CALN1: variants seen among roughly 807,000 people sequenced by gnomAD.
The protein encoded by CALN1 is calcium-binding protein 8.
In CALN1, 17 loss-of-function variants were observed where a neutral mutation model predicts 30.6. That is an observed-to-expected ratio of 0.56 (90% CI 0.38 to 0.83). CALN1 has a LOEUF of 0.83. Ranked by LOEUF, CALN1 falls within the 40% of genes least tolerant of loss-of-function variation. The probability of loss-of-function intolerance (pLI) is 0.00; values close to 1 mark genes in which losing one functional copy is unlikely to be tolerated. For synonymous variants in CALN1, 156 were observed against 131.4 expected, an observed-to-expected ratio of 1.19 and a Z score of -1.28; for missense variants, 291 against 354.9, an observed-to-expected ratio of 0.82 and a Z score of 1.45.
intron 5 of CALN1, among the ~76,000 whole-genome samples, chr7:71,841,528 C>A (rs912705156): frequency 1.3e-5 from 2 of 152,174 alleles, no homozygotes; most frequent in African/African-American, 4.8e-5. Context: ...GAAAATAAAT[C>A]ATTCTACCTA....
upstream of CALN1, among the ~76,000 whole-genome samples, chr7:72,449,747 C>G (rs983225873): frequency 6.6e-6 from 1 of 151,644 alleles, no homozygotes; most frequent in Non-Finnish European, 1.5e-5. Flanking sequence ...TGGTGGCGGG[C>G]GCCTGTAGTC....
intron 2 of CALN1, among the ~76,000 whole-genome samples, chr7:72,290,926 A>AT (rs11352227): frequency 0.19 from 26,713 of 143,398 alleles, 3,358 homozygotes; most frequent in East Asian, 0.42. Flanking sequence ...CCTTTTAACC[A>AT]TTTTTTTTTT....
intron 2 of CALN1, among the ~76,000 whole-genome samples, chr7:72,317,082 G>GAC: frequency 9.6e-6 from 1 of 104,326 alleles, no homozygotes; most frequent in African/African-American, 4.0e-5. Flanking sequence ...GACACAGAAA[G>GAC]AGAGAGAGAG....
chr7:72,096,231 G>A (rs1806223207), intron 4 of CALN1, among the ~76,000 whole-genome samples: 1 of 152,118 alleles, frequency 6.6e-6, no homozygotes. Context: ...GAGGACACCA[G>A]GTCTCTGCAC....
chr7:72,318,378 C>CA (rs1179331586), intron 2 of CALN1, among the ~76,000 whole-genome samples: 21 of 152,092 alleles, frequency 1.4e-4, no homozygotes, highest in Non-Finnish European at 2.5e-4. Context: ...TACTCTGGAG[C>CA]AAAAAAATCA....
intron 1 of CALN1, among the ~76,000 whole-genome samples, chr7:72,418,831 C>A (rs770368762): frequency 1.3e-5 from 2 of 151,916 alleles, no homozygotes; most frequent in Non-Finnish European, 2.9e-5. Context: ...AGCAACATGG[C>A]GAGACCCCGT....
At chr7:71,980,700 A>T (rs1038059942) in intron 5 of CALN1, among the ~76,000 whole-genome samples, 3 of 152,188 alleles carry the variant, frequency 2.0e-5, no homozygotes, top group African/African-American at 4.8e-5. Context: ...CCATTTAAAG[A>T]ACAAAGTAAT....
chr7:72,078,309 C>A (rs972005620), intron 4 of CALN1, among the ~76,000 whole-genome samples: 1 of 151,992 alleles, frequency 6.6e-6, no homozygotes, highest in African/African-American at 2.4e-5. Flanking sequence ...ATACGACGAT[C>A]CCACCTGTAC....
At chr7:72,379,200 G>A (rs1266782939) in intron 2 of CALN1, among the ~76,000 whole-genome samples, 1 of 152,080 alleles carries the variant, frequency 6.6e-6, no homozygotes, top group Non-Finnish European at 1.5e-5. Context: ...TGTGATCACA[G>A]CTCACTACAA....
the CALN1 span, among the ~76,000 whole-genome samples, chr7:72,456,737 T>G: frequency 6.6e-6 from 1 of 151,920 alleles, no homozygotes; most frequent in Non-Finnish European, 1.5e-5. Context: ...TCCCAGCTAC[T>G]TGGGAGGCTG....
At chr7:72,426,936 A>C (rs1190693887) in intron 1 of CALN1, among the ~76,000 whole-genome samples, 2 of 151,904 alleles carry the variant, frequency 1.3e-5, no homozygotes, top group African/African-American at 4.8e-5. Flanking sequence ...TCCCCCTCCC[A>C]CAGGAGCCCC....
At chr7:72,358,587 G>A (rs558379091) in intron 2 of CALN1, among the ~76,000 whole-genome samples, 3 of 152,252 alleles carry the variant, frequency 2.0e-5, no homozygotes, top group East Asian at 3.9e-4. Flanking sequence ...ACTTCGGAGA[G>A]AGAAGAAAAG....
At chr7:72,200,036 A>G (rs1288299194) in intron 3 of CALN1, among the ~76,000 whole-genome samples, 1 of 152,172 alleles carries the variant, frequency 6.6e-6, no homozygotes, top group Non-Finnish European at 1.5e-5. Context: ...GAAGAAATGG[A>G]CTTTGCAGCT....
chr7:72,094,432 T>C (rs921870113), intron 4 of CALN1, among the ~76,000 whole-genome samples: 1 of 152,162 alleles, frequency 6.6e-6, no homozygotes, highest in Non-Finnish European at 1.5e-5. Flanking sequence ...TTCTGTATTT[T>C]TAGTAGAGAT....
At chr7:72,017,153 G>A (rs1800438460) in intron 5 of CALN1, among the ~76,000 whole-genome samples, 1 of 136,930 alleles carries the variant, frequency 7.3e-6, no homozygotes, top group African/African-American at 2.9e-5. Context: ...AACAGAGAGA[G>A]ACTCTGTCTC....
At chr7:72,281,002 G>C (rs932835121) in intron 2 of CALN1, among the ~76,000 whole-genome samples, 3 of 151,966 alleles carry the variant, frequency 2.0e-5, no homozygotes, top group Admixed American at 1.3e-4. Context: ...AAATTAGCTG[G>C]ACATGGTAGT....
rs771997132 is a variant in CALN1, at chr7:72,278,816, C to T, written c.120-6G>A. The T allele has an allele frequency of 6.2e-7, 1 of 1,609,798 alleles. No homozygotes were observed. The highest frequency in any genetic ancestry group is 8.5e-7 in the Non-Finnish European group (1 of 1,176,506). On this transcript the variant is annotated splice_polypyrimidine_tract_variant and splice_region_variant and intron_variant, in intron 2 of 6. Transcript: ENST00000395275. Reference sequence around the variant, plus strand: ...GGTGGAACGGCATCTTTTCCCTGCCCAAGAGAGAACAGGGGAGGGGAAAAG... The same window carrying T: ...GGTGGAACGGCATCTTTTCCCTGCCTAAGAGAGAACAGGGGAGGGGAAAAG...
At chr7:72,251,671 G>T (rs1258008342) in intron 3 of CALN1, among the ~76,000 whole-genome samples, 3 of 152,142 alleles carry the variant, frequency 2.0e-5, no homozygotes, top group Non-Finnish European at 4.4e-5. Flanking sequence ...AAAGTGCTAG[G>T]ATTACAGGCA....
intron 4 of CALN1, among the ~76,000 whole-genome samples, chr7:72,077,727 A>AC (rs1310304354): frequency 2.0e-5 from 3 of 152,230 alleles, no homozygotes; most frequent in African/African-American, 2.4e-5. Context: ...GGGACAAATG[A>AC]CACTGGTGAA....
Sources: allele counts gnomAD v4.1 joint callset (sites outside exome capture counted in the v4.1 genomes callset), GRCh38; gene constraint gnomAD v4.1.1; transcripts MANE v1.5; gene names NCBI Gene and HGNC (gene_info 2026-07-23, HGNC 2026-07-21).